PTPN3: variants seen among roughly 807,000 people sequenced by gnomAD.
PTPN3 encodes the protein tyrosine-protein phosphatase non-receptor type 3.
A neutral mutation model predicts 132.7 loss-of-function variants in PTPN3; 96 were observed. The observed-to-expected ratio is 0.72, with a 90% CI of 0.61 to 0.86. PTPN3 has a LOEUF of 0.86. PTPN3 is among the 40% of genes least tolerant of loss of function. The pLI is 0.00. For missense variants in PTPN3, 1,125 were observed against 1,159.6 expected, an observed-to-expected ratio of 0.97 and a Z score of 0.43; for synonymous variants, 398 against 429.0, an observed-to-expected ratio of 0.93 and a Z score of 0.89.
chr9:109,445,205 C>T (rs1022691518), intron 7 of PTPN3, 35 bp downstream of exon 7: 3 of 1,594,628 alleles, frequency 1.9e-6, no homozygotes, highest in African/African-American at 2.7e-5. Context: ...TCAGAACAAC[C>T]TGTCCATCCG....
At chr9:109,536,724 G>A in the PTPN3 span, among the ~76,000 whole-genome samples, 1 of 152,094 alleles carries the variant, frequency 6.6e-6, no homozygotes. Context: ...AAGAGACCCT[G>A]CCAACTCCTT....
At chr9:109,523,071 C>G in the PTPN3 span, among the ~76,000 whole-genome samples, 1 of 149,446 alleles carries the variant, frequency 6.7e-6, no homozygotes, top group Non-Finnish European at 1.5e-5. Context: ...TATTTAATTA[C>G]GTTCATTAAA....
intron 11 of PTPN3, 26 bp downstream of exon 11, chr9:109,428,595 A>C (rs1433759596): frequency 1.2e-6 from 2 of 1,609,338 alleles, no homozygotes; most frequent in African/African-American, 2.7e-5. Flanking sequence ...GCACGAAACA[A>C]AGCAAGCAAA....
At chr9:109,426,586 T>C (rs1450699811) in intron 12 of PTPN3, among the ~76,000 whole-genome samples, 1 of 152,208 alleles carries the variant, frequency 6.6e-6, no homozygotes, top group Non-Finnish European at 1.5e-5. Flanking sequence ...GGAATTAAAG[T>C]TCTGTGGGAG....
At chr9:109,534,276 G>C in the PTPN3 span, 1 of 1,535,658 alleles carries the variant, frequency 6.5e-7, no homozygotes, top group African/African-American at 1.4e-5. Context: ...CGCTGAGGGC[G>C]GGGGGCGGCG....
chr9:109,472,493 A>G (rs904938962), intron 1 of PTPN3, among the ~76,000 whole-genome samples: 2 of 152,252 alleles, frequency 1.3e-5, no homozygotes, highest in East Asian at 3.8e-4. Context: ...AATTCAGCCC[A>G]ACTAATTAAA....
chr9:109,438,811 G>A (rs1477251120), intron 7 of PTPN3, among the ~76,000 whole-genome samples: 4 of 152,166 alleles, frequency 2.6e-5, no homozygotes, highest in Non-Finnish European at 5.9e-5. Flanking sequence ...GAGGCCACAG[G>A]GACAAAAGGT....
In PTPN3 at chr9:109,422,716, A is replaced by G; in HGVS notation, c.1136+2T>C. ...ACAAAAAAAAAAAAAAGGAGGACATACCAGTTGGGAGTAATGGGAGGGGAA... is the reference window on the plus strand; with the variant it reads ...ACAAAAAAAAAAAAAAGGAGGACATGCCAGTTGGGAGTAATGGGAGGGGAA... On this transcript the variant is annotated splice_donor_variant, in intron 13 of 25. Transcript: ENST00000374541. LOFTEE classifies it high-confidence loss of function. 1 of 1,600,614 alleles carries G rather than the reference A, an allele frequency of 6.2e-7. No homozygotes were observed. Among genetic ancestry groups the G allele is most frequent in the Non-Finnish European group, 8.5e-7 (1 of 1,174,064 alleles).
At chr9:109,486,103 A>G (rs1447615965) in intron 1 of PTPN3, among the ~76,000 whole-genome samples, 1 of 152,162 alleles carries the variant, frequency 6.6e-6, no homozygotes, top group East Asian at 1.9e-4. Flanking sequence ...GAGTCCAGCC[A>G]CTCAACATGT....
At chr9:109,480,361 C>T (rs1381220758) in intron 1 of PTPN3, among the ~76,000 whole-genome samples, 4 of 152,066 alleles carry the variant, frequency 2.6e-5, no homozygotes, top group African/African-American at 9.7e-5. Flanking sequence ...GACGGGGTTT[C>T]ACCATGTTGC....
intron 1 of PTPN3, among the ~76,000 whole-genome samples, chr9:109,497,002 G>A (rs761116541): frequency 6.6e-6 from 1 of 152,164 alleles, no homozygotes; most frequent in Non-Finnish European, 1.5e-5. Flanking sequence ...TTTGCAAGAT[G>A]GATCATCTTG....
At position 109,493,895 on chromosome 9, in the gene PTPN3, C is replaced by T. The variant is rs184706338; in HGVS notation, c.-18+4324G>A. Among the ~76,000 whole-genome samples, 59 of 152,294 alleles carry T rather than the reference C, an allele frequency of 3.9e-4. 1 individual carries two copies. Among genetic ancestry groups the T allele is most frequent in the African/African-American group, 1.2e-3 (50 of 41,564 alleles). ...TACTTGTACCTGGGAGGCAGCCTGGCGACAGGGTTGCTGTGAAGATTAAAT... is the reference window on the plus strand; with the variant it reads ...TACTTGTACCTGGGAGGCAGCCTGGTGACAGGGTTGCTGTGAAGATTAAAT... On this transcript the variant is annotated intron_variant, in intron 1 of 25. Coordinates refer to ENST00000374541, the MANE Select transcript of PTPN3 (RefSeq NM_002829.4).
chr9:109,377,562 T>C lies in PTPN3; in HGVS notation c.*1994A>G, dbSNP rs1313374296. 4 of 152,184 alleles carry C rather than the reference T, an allele frequency of 2.6e-5. No individual in the cohort carries two copies. In the East Asian group the frequency reaches 7.7e-4, roughly 29 times the overall value. 9.4% of individuals were successfully genotyped at this position (152,184 alleles called of 1,614,324 possible). A position where few individuals can be genotyped will look rare whatever the true frequency, so the allele number is the denominator to read the frequency against. On this transcript the variant is annotated 3_prime_UTR_variant, in exon 26 of 26. Coordinates refer to ENST00000374541, the MANE Select transcript of PTPN3 (RefSeq NM_002829.4). ...TTGAGGCTGCAGTGAACAATGATCATGCCACTGTACTCCAGCCTGGGCGAC... is the reference window on the plus strand; with the variant it reads ...TTGAGGCTGCAGTGAACAATGATCACGCCACTGTACTCCAGCCTGGGCGAC...
intron 2 of PTPN3, among the ~76,000 whole-genome samples, chr9:109,462,436 T>C (rs1249808037): frequency 6.6e-6 from 1 of 152,232 alleles, no homozygotes; most frequent in African/African-American, 2.4e-5. Flanking sequence ...TGGCCTTTTA[T>C]TGTTCCCTCA....
chr9:109,533,169 G>A, the PTPN3 span, among the ~76,000 whole-genome samples: 1 of 98,570 alleles, frequency 1.0e-5, no homozygotes, highest in Non-Finnish European at 1.9e-5. Context: ...ACGGAGTCTC[G>A]CTCTGTCGCC....
rs764701966 is a variant in PTPN3, at chr9:109,382,399, C to T, written c.2431G>A (p.Asp811Asn). ...GAGGAGTCATCGGGCACACCGTGGT[C>T]AGGCCATGCGACGTACTGGAGATGT... ...VTHLQYVAWP[D>N]HGVPDDSSDF... The change falls in exon 24 of 26, where the codon GAC (aspartate) becomes AAC (asparagine). Residue 811 changes from aspartate (D) to asparagine (N), a missense_variant. Asp to Asn is a conservative substitution (Grantham distance 23). Coordinates refer to ENST00000374541, the MANE Select transcript of PTPN3 (RefSeq NM_002829.4). The T allele has an allele frequency of 6.2e-7, 1 of 1,614,190 alleles. No individual in the cohort carries two copies. The highest frequency in any genetic ancestry group is 8.5e-7 in the Non-Finnish European group (1 of 1,180,032).
chr9:109,500,914 C>T (rs1345593085), upstream of PTPN3, among the ~76,000 whole-genome samples: 6 of 139,140 alleles, frequency 4.3e-5, no homozygotes, highest in South Asian at 4.5e-4. Context: ...TATGACAGAG[C>T]GAGATTCTGT....
intron 17 of PTPN3, among the ~76,000 whole-genome samples, chr9:109,407,374 C>A (rs1409925008): frequency 2.0e-5 from 3 of 151,988 alleles, no homozygotes; most frequent in South Asian, 2.1e-4. Context: ...AAGAGCGAGA[C>A]CCTGTCTCTT....
chr9:109,390,438 C>G (rs186101824), intron 21 of PTPN3, among the ~76,000 whole-genome samples: 1 of 152,126 alleles, frequency 6.6e-6, no homozygotes, highest in African/African-American at 2.4e-5. Flanking sequence ...ATATTACTAT[C>G]TGGTTGGCTA....
Sources: gnomAD v4.1 joint callset for allele counts (sites outside exome capture counted in the v4.1 genomes callset) on GRCh38, gnomAD v4.1.1 for gene constraint, MANE v1.5 for transcripts, NCBI Gene and HGNC (gene_info 2026-07-23, HGNC 2026-07-21) for gene names.